Variants in SUMF1 observed in about 807,000 individuals in gnomAD.
SUMF1 encodes the protein sulfatase modifying factor 1.
A neutral mutation model predicts 47.6 loss-of-function variants in SUMF1; 48 were observed. The ratio of observed to expected loss-of-function variants is 1.01; its 90% CI spans 0.80 to 1.28. The LOEUF is 1.28. Among genes scored for constraint, SUMF1 ranks in the 50% most tolerant of loss-of-function variants. The pLI, the probability that SUMF1 is intolerant of heterozygous loss-of-function variation, is 0.00. For missense variants in SUMF1, 571 were observed against 485.4 expected (o/e 1.18, Z -1.66); for synonymous variants, 230 against 192.1 (o/e 1.20, Z -1.63).
intron 8 of SUMF1, among the ~76,000 whole-genome samples, chr3:4,241,808 G>A (rs748802666): frequency 6.6e-5 from 10 of 152,064 alleles, no homozygotes; most frequent in East Asian, 3.9e-4. Context: ...TGGGACTTCC[G>A]GCCCACAGTG....
intron 9 of SUMF1, among the ~76,000 whole-genome samples, chr3:4,040,288 G>T (rs1334217218): frequency 6.6e-6 from 1 of 152,114 alleles, no homozygotes; most frequent in Non-Finnish European, 1.5e-5. Context: ...ATGGGGAAAA[G>T]TTCTTCCCTA....
chr3:4,329,267 G>T (rs1182623875), intron 8 of SUMF1, among the ~76,000 whole-genome samples: 4 of 152,212 alleles, frequency 2.6e-5, no homozygotes, highest in Non-Finnish European at 1.5e-5. Context: ...GACTCTGTGT[G>T]GTGGCTCCAA....
intron 8 of SUMF1, among the ~76,000 whole-genome samples, chr3:4,262,530 G>A (rs953717823): frequency 2.6e-5 from 4 of 152,200 alleles, no homozygotes; most frequent in Non-Finnish European, 5.9e-5. Context: ...AAGATCATCA[G>A]AATGTGATCC....
At chr3:4,050,992 G>A (rs1454730517) in intron 9 of SUMF1, among the ~76,000 whole-genome samples, 2 of 151,842 alleles carry the variant, frequency 1.3e-5, no homozygotes, top group African/African-American at 4.8e-5. Flanking sequence ...TAAACTTGAC[G>A]TTTTATTTTG....
At chr3:4,378,418 T>C (rs1295367159) in intron 7 of SUMF1, among the ~76,000 whole-genome samples, 2 of 152,230 alleles carry the variant, frequency 1.3e-5, no homozygotes, top group Non-Finnish European at 2.9e-5. Context: ...AGTAGGGGAC[T>C]GTCTGTGCTT....
Position 4,361,533 on chromosome 3 carries a change from TG to T in SUMF1, c.*610del, listed in dbSNP as rs1186201602. ...ACAACGTAAAAGACACTGATTTCCTTGGAAAAACAAAGTGCAGTACGAATAT... is the reference window on the plus strand; with the variant it reads ...ACAACGTAAAAGACACTGATTTCCTTGAAAAACAAAGTGCAGTACGAATAT... On this transcript the variant is annotated 3_prime_UTR_variant, in exon 9 of 9. Coordinates refer to ENST00000272902, the MANE Select transcript of SUMF1 (RefSeq NM_182760.4). 10 of 155,788 alleles carry T rather than the reference TG, an allele frequency of 6.4e-5. No homozygotes were observed. The highest frequency in any genetic ancestry group is 2.2e-4 in the African/African-American group (9 of 41,442). The allele number at this position is 155,788 out of a possible 1,614,324, so 9.7% of individuals were successfully genotyped here.
intron 8 of SUMF1, among the ~76,000 whole-genome samples, chr3:4,249,045 T>A (rs1339141064): frequency 2.0e-5 from 3 of 152,218 alleles, no homozygotes; most frequent in African/African-American, 7.2e-5. Context: ...CTTGCTGGTG[T>A]GCCTGGAGCC....
intron 8 of SUMF1, among the ~76,000 whole-genome samples, chr3:4,336,819 T>C (rs1699162276): frequency 6.6e-6 from 1 of 152,274 alleles, no homozygotes; most frequent in African/African-American, 2.4e-5. Context: ...TTTTTCATTC[T>C]TGTGGTTATG....
rs1575196433 is a variant in SUMF1 at position 4,417,331 on chromosome 3, A to G, written c.726-89T>C. 4 of 1,027,404 alleles carry G rather than the reference A, an allele frequency of 3.9e-6. No homozygotes were observed. The East Asian group carries it at 7.3e-5, about 19-fold the overall frequency. The allele number at this position is 1,027,404 out of a possible 1,614,324, so 63.6% of individuals were successfully genotyped here. A position where few individuals can be genotyped will look rare whatever the true frequency, so the allele number is the denominator to read the frequency against. ...GAAGGGATGCAATGAAAAAGAGAAC[A>G]TTGCTTGCTTGTTCTGAGTGAGCCA... On this transcript the variant is annotated intron_variant, in intron 5 of 8. Coordinates refer to ENST00000272902, the MANE Select transcript of SUMF1 (RefSeq NM_182760.4).
At chr3:4,206,950 C>T (rs1695667279) in intron 8 of SUMF1, among the ~76,000 whole-genome samples, 1 of 152,026 alleles carries the variant, frequency 6.6e-6, no homozygotes, top group Non-Finnish European at 1.5e-5. Context: ...AAGAGAATTG[C>T]CATTTTAACT....
At chr3:4,084,235 A>G (rs545778329) in intron 8 of SUMF1, among the ~76,000 whole-genome samples, 8 of 152,294 alleles carry the variant, frequency 5.3e-5, no homozygotes, top group Middle Eastern at 6.8e-3. Context: ...AGTCAAGTCC[A>G]GGAAAAATGC....
At chr3:4,323,732 T>C (rs1698885655) in intron 8 of SUMF1, among the ~76,000 whole-genome samples, 3 of 152,124 alleles carry the variant, frequency 2.0e-5, no homozygotes, top group African/African-American at 7.2e-5. Context: ...TCCACTTACT[T>C]TCTGTCCTCA....
At chr3:4,310,208 C>T (rs933606941) in intron 8 of SUMF1, among the ~76,000 whole-genome samples, 4 of 152,164 alleles carry the variant, frequency 2.6e-5, no homozygotes, top group Non-Finnish European at 5.9e-5. Flanking sequence ...CGAAGTTTAA[C>T]CGCGTGGCAT....
intron 8 of SUMF1, among the ~76,000 whole-genome samples, chr3:4,207,204 G>A (rs1364341067): frequency 6.6e-6 from 1 of 151,944 alleles, no homozygotes; most frequent in East Asian, 1.9e-4. Context: ...TTTACCTTAT[G>A]ACCTTGTTAA....
chr3:4,040,981 G>A (rs116521725), intron 9 of SUMF1, among the ~76,000 whole-genome samples: 1,602 of 152,286 alleles, frequency 0.011, 14 homozygotes, highest in Non-Finnish European at 0.018. Flanking sequence ...CTCAGGTTGG[G>A]TGCCCTTGGG....
chr3:4,087,812 A>G (rs901464787), intron 8 of SUMF1, among the ~76,000 whole-genome samples: 2 of 152,146 alleles, frequency 1.3e-5, no homozygotes, highest in African/African-American at 2.4e-5. Flanking sequence ...TATTTAGTGA[A>G]TGAAATGTAA....
chr3:4,088,635 T>C (rs1192084896), intron 8 of SUMF1, among the ~76,000 whole-genome samples: 1 of 152,154 alleles, frequency 6.6e-6, no homozygotes, highest in Non-Finnish European at 1.5e-5. Context: ...AAAATGTAGA[T>C]TCCATGAAGA....
chr3:4,171,519 T>C (rs1694832514), intron 8 of SUMF1, among the ~76,000 whole-genome samples: 1 of 152,162 alleles, frequency 6.6e-6, no homozygotes, highest in Non-Finnish European at 1.5e-5. Flanking sequence ...ATGTCAAAAA[T>C]AAATTAATAT....
chr3:4,084,138 TG>T (rs1273066328), intron 8 of SUMF1, among the ~76,000 whole-genome samples: 1 of 152,096 alleles, frequency 6.6e-6, no homozygotes. Context: ...CTAATTCCTT[TG>T]GAAGTCATTA....
Sources: gnomAD v4.1 joint callset for allele counts (sites outside exome capture counted in the v4.1 genomes callset) on GRCh38, gnomAD v4.1.1 for gene constraint, MANE v1.5 for transcripts, NCBI Gene and HGNC (gene_info 2026-07-23, HGNC 2026-07-21) for gene names.